Variants in NEK9 observed in about 807,000 individuals in gnomAD.
NEK9 encodes the protein NIMA related kinase 9.
NEK9 carries 75 observed loss-of-function variants against 123.4 expected under a neutral mutation model. The ratio of observed to expected loss-of-function variants is 0.61; its 90% confidence interval spans 0.50 to 0.74. The LOEUF (loss-of-function observed/expected upper bound fraction) is 0.74. Ranked by LOEUF, NEK9 falls within the 30% of genes least tolerant of loss-of-function variation. The pLI is 0.00. For synonymous variants in NEK9, 438 were observed against 458.7 expected (o/e 0.95, Z 0.58); for missense variants, 952 against 1,214.4 (o/e 0.78, Z 3.21).
chr14:75,110,021 C>G, intron 9 of NEK9, 144 bp from the exon 10 acceptor site: 1 of 876,128 alleles, frequency 1.1e-6, no homozygotes, highest in Non-Finnish European at 1.7e-6. Flanking sequence ...TCAATGTGCT[C>G]TATCACAGCA....
At position 75,084,346 on chromosome 14, in the gene NEK9, G is replaced by A. The variant is rs1202719078; in HGVS notation, c.*218C>T. 6 of 572,164 alleles carry A rather than the reference G, an allele frequency of 1.0e-5. No individual in the cohort carries two copies. The highest frequency in any genetic ancestry group is 1.9e-5 in the Non-Finnish European group (6 of 320,016). The allele number at this position is 572,164 out of a possible 1,614,324, so 35.4% of individuals were successfully genotyped here. Reference sequence around the variant, plus strand: ...CACTGATGACAAAGCCAGGGCCATGGGGGCCCTTCCATTCTCCAAAACAAT... The same window carrying A: ...CACTGATGACAAAGCCAGGGCCATGAGGGCCCTTCCATTCTCCAAAACAAT... On this transcript the variant is annotated 3_prime_UTR_variant, in exon 22 of 22. Transcript: ENST00000238616.
chr14:75,108,518 T>C (rs1406305090), intron 10 of NEK9, among the ~76,000 whole-genome samples: 21 of 44,754 alleles, frequency 4.7e-4, no homozygotes, highest in Non-Finnish European at 8.3e-4. Flanking sequence ...CGTGTGCGTG[T>C]GTGTGTGTGT....
In NEK9 at chr14:75,100,996, A is replaced by C; in HGVS notation, c.1998T>G (p.Thr666=). 1 of 1,613,994 alleles carries C rather than the reference A, an allele frequency of 6.2e-7. No individual in the cohort carries two copies. Among genetic ancestry groups the C allele is most frequent in the Non-Finnish European group, 8.5e-7 (1 of 1,179,892 alleles). The change falls in exon 16 of 22, where the codon ACT becomes ACG. Residue 666 remains threonine (T), a synonymous_variant. Coordinates refer to ENST00000238616, the MANE Select transcript of NEK9 (RefSeq NM_033116.6). ...SCGDEFTIAA[T]DDNHIFAWGN... ...AAATGATATGTACAGACTCACCATC[A>C]GTGGCAGCAATGGTAAACTCATCAC...
In NEK9 at chr14:75,084,371, T is replaced by A; in HGVS notation, c.*193A>T. The A allele has an allele frequency of 1.5e-6, 1 of 661,146 alleles. No individual in the cohort carries two copies. The highest frequency in any genetic ancestry group is 2.4e-5 in the Admixed American group (1 of 41,348). The allele number at this position is 661,146 out of a possible 1,614,324, so 41.0% of individuals were successfully genotyped here. On this transcript the variant is annotated 3_prime_UTR_variant, in exon 22 of 22. Coordinates refer to ENST00000238616, the MANE Select transcript of NEK9 (RefSeq NM_033116.6). ...GGGGCCCTTCCATTCTCCAAAACAA[T>A]AAAATCACTCCTAGATCCTATCTAA...
rs1893849770 is a variant in NEK9, at chr14:75,080,817, T to C, written c.*3747A>G. The C allele has an allele frequency of 6.6e-6, 1 of 150,698 alleles. No individual in the cohort carries two copies. 9.3% of individuals were successfully genotyped at this position (150,698 alleles called of 1,614,324 possible). A position where few individuals can be genotyped will look rare whatever the true frequency, so the allele number is the denominator to read the frequency against. ...CACCACGCCCGGCTGATTTTTTGTA[T>C]TTTTAGTAGAGATGGGGTTTCACTG... On this transcript the variant is annotated 3_prime_UTR_variant, in exon 22 of 22. Coordinates refer to ENST00000238616, the MANE Select transcript of NEK9 (RefSeq NM_033116.6).
intron 14 of NEK9, among the ~76,000 whole-genome samples, chr14:75,102,457 C>T (rs2139755236): frequency 6.6e-6 from 1 of 152,184 alleles, no homozygotes; most frequent in Admixed American, 6.5e-5. Context: ...ACGCCATTCT[C>T]CTGCCTCAGC....
chr14:75,120,646 CATAA>C (rs1343710750), intron 3 of NEK9, 66 bp from the exon 4 acceptor site: 11 of 1,163,076 alleles, frequency 9.5e-6, no homozygotes, highest in Admixed American at 4.2e-5. Context: ...TACACACACA[CATAA>C]ACAAACAAAA....
chr14:75,105,146 A>T (rs772064597), intron 13 of NEK9, among the ~76,000 whole-genome samples: 1 of 152,162 alleles, frequency 6.6e-6, no homozygotes, highest in Admixed American at 6.5e-5. Flanking sequence ...GTCACAATGG[A>T]TGTGTGTAAA....
In NEK9 at chr14:75,105,177, G is replaced by C. The variant is rs371419516; in HGVS notation, c.1575+773C>G. ...GTAAAACCTGAAACCTCAACCCTCA[G>C]TTTCTGCCACAGCCTTTCCAGGAGA... is the stretch of plus-strand genomic sequence containing the variant. On this transcript the variant is annotated intron_variant, in intron 13 of 21. Coordinates refer to ENST00000238616, the MANE Select transcript of NEK9 (RefSeq NM_033116.6). 2.0e-5 allele frequency among the ~76,000 whole-genome samples: 3 copies of C among 152,226 alleles called. No individual in the cohort carries two copies. In the East Asian group the frequency reaches 5.8e-4, roughly 29 times the overall value.
chr14:75,124,273 AT>A, intron 1 of NEK9, 50 bp from the exon 2 acceptor site: 1 of 1,542,316 alleles, frequency 6.5e-7, no homozygotes, highest in Non-Finnish European at 8.9e-7. Flanking sequence ...CTGGCAGCAA[AT>A]GAATCCACAC....
At chr14:75,096,276 CAAAAAAAAAA>C (rs57130386) in intron 17 of NEK9, among the ~76,000 whole-genome samples, 1 of 79,722 alleles carries the variant, frequency 1.3e-5, no homozygotes, top group Non-Finnish European at 2.3e-5. Context: ...GACTTCGTCT[CAAAAAAAAAA>C]AAAAAAAAAA....
intron 1 of NEK9, 82 bp from the exon 2 acceptor site, chr14:75,124,305 G>A: frequency 7.5e-7 from 1 of 1,329,602 alleles, no homozygotes; most frequent in Non-Finnish European, 1.1e-6. Context: ...AAGCCTAGAA[G>A]GAAAACTTCC....
chr14:75,092,095 T>G (rs1254580971), intron 18 of NEK9, among the ~76,000 whole-genome samples: 1 of 151,878 alleles, frequency 6.6e-6, no homozygotes, highest in African/African-American at 2.4e-5. Flanking sequence ...TTCTCCTGTC[T>G]CAGCCTCCCG....
At chr14:75,086,664 T>C (rs1026437163) in intron 21 of NEK9, 3 of 230,114 alleles carry the variant, frequency 1.3e-5, no homozygotes, top group Non-Finnish European at 2.7e-5. Context: ...TCCCAGCACT[T>C]TGGGAGGCTG....
chr14:75,126,551 G>C (rs1260618939), intron 1 of NEK9, 152 bp downstream of exon 1: 1 of 464,332 alleles, frequency 2.2e-6, no homozygotes, highest in Non-Finnish European at 3.6e-6. Flanking sequence ...TCTAGTGCCG[G>C]TGAGTGGGAA....
At chr14:75,110,285 G>T in intron 9 of NEK9, 36 bp downstream of exon 9, 1 of 1,520,116 alleles carries the variant, frequency 6.6e-7, no homozygotes, top group Non-Finnish European at 9.1e-7. Context: ...TTGTAATTTC[G>T]GATATATTAG....
intron 4 of NEK9, 38 bp from the exon 5 acceptor site, chr14:75,118,973 A>G (rs1895231201): frequency 1.8e-6 from 2 of 1,138,494 alleles, no homozygotes; most frequent in Non-Finnish European, 2.6e-6. Context: ...GTTCACACAG[A>G]TAATTGTTTT....
intron 3 of NEK9, 107 bp from the exon 4 acceptor site, chr14:75,120,687 G>A: frequency 1.2e-6 from 1 of 825,022 alleles, no homozygotes; most frequent in South Asian, 1.6e-5. Flanking sequence ...CAGAAGTTAT[G>A]ATTCAACATG....
intron 17 of NEK9, among the ~76,000 whole-genome samples, chr14:75,095,964 G>A (rs1894368655): frequency 1.3e-5 from 2 of 152,140 alleles, no homozygotes; most frequent in African/African-American, 2.4e-5. Context: ...AATTGGTCAG[G>A]GATAGGGTCT....
Sources: gnomAD v4.1 joint callset for allele counts (sites outside exome capture counted in the v4.1 genomes callset) on GRCh38, gnomAD v4.1.1 for gene constraint, MANE v1.5 for transcripts, NCBI Gene and HGNC (gene_info 2026-07-23, HGNC 2026-07-21) for gene names.